Variants in CDH18 observed in about 807,000 individuals in gnomAD.
CDH18 encodes the protein cadherin 18.
In CDH18, 31 loss-of-function variants were observed where a neutral mutation model predicts 67.9. The ratio of observed to expected loss-of-function variants is 0.46; its 90% CI spans 0.34 to 0.62. The LOEUF is 0.62. Ranked by LOEUF, CDH18 falls within the 20% of genes least tolerant of loss-of-function variation. The pLI is 0.01. For synonymous variants in CDH18, 362 were observed against 347.2 expected, an observed-to-expected ratio of 1.04 and a Z score of -0.48; for missense variants, 890 against 975.5, an observed-to-expected ratio of 0.91 and a Z score of 1.17.
intron 5 of CDH18, among the ~76,000 whole-genome samples, chr5:19,681,929 T>A (rs1319539477): frequency 6.6e-6 from 1 of 152,086 alleles, no homozygotes; most frequent in Non-Finnish European, 1.5e-5. Context: ...GGCTGTTTTT[T>A]AAGTCTTTGC....
intron 2 of CDH18, among the ~76,000 whole-genome samples, chr5:20,146,419 AC>A: frequency 6.6e-6 from 1 of 152,078 alleles, no homozygotes; most frequent in East Asian, 1.9e-4. Context: ...AACTATCACA[AC>A]CTGAAATTTA....
At chr5:20,405,337 G>A (rs993527783) in intron 1 of CDH18, among the ~76,000 whole-genome samples, 3 of 152,082 alleles carry the variant, frequency 2.0e-5, no homozygotes, top group Admixed American at 6.6e-5. Context: ...GAAATGGGGA[G>A]AGGATTCCCT....
At chr5:19,937,235 G>T (rs1201957540) in intron 2 of CDH18, among the ~76,000 whole-genome samples, 1 of 151,258 alleles carries the variant, frequency 6.6e-6, no homozygotes, top group Non-Finnish European at 1.5e-5. Context: ...GCCAGTTCTG[G>T]ACACCTATCA....
intron 1 of CDH18, among the ~76,000 whole-genome samples, chr5:20,425,437 G>T (rs1748226048): frequency 6.6e-6 from 1 of 150,576 alleles, no homozygotes; most frequent in African/African-American, 2.5e-5. Flanking sequence ...AGAAAAGAAA[G>T]ATAAAATGTA....
intron 1 of CDH18, among the ~76,000 whole-genome samples, chr5:20,428,774 T>C (rs1448165743): frequency 1.3e-5 from 2 of 152,202 alleles, no homozygotes; most frequent in Non-Finnish European, 2.9e-5. Context: ...GGACCACAAA[T>C]AATCTGCGTT....
rs187663377 is a variant in CDH18, at chr5:19,940,891, A to T, written c.-257+40169T>A. On this transcript the variant is annotated intron_variant, in intron 2 of 12. Transcript: ENST00000382275. Reference sequence around the variant, plus strand: ...AGTAGAATTCAAGATACAGAATGGAACTATATTTTCCTTGTTTAGTTCTAT... The same window carrying T: ...AGTAGAATTCAAGATACAGAATGGATCTATATTTTCCTTGTTTAGTTCTAT... Among the ~76,000 whole-genome samples the T allele has an allele frequency of 1.1e-3, 163 of 152,272 alleles. 1 individual carries two copies. Among genetic ancestry groups the T allele is most frequent in the African/African-American group, 3.7e-3 (153 of 41,586 alleles).
chr5:19,544,991 C>T (rs970532808), intron 8 of CDH18, among the ~76,000 whole-genome samples: 5 of 151,738 alleles, frequency 3.3e-5, no homozygotes, highest in African/African-American at 1.2e-4. Context: ...TTTTAAGACC[C>T]CTGAGTTTTG....
intron 2 of CDH18, among the ~76,000 whole-genome samples, chr5:20,209,709 T>C (rs1441893828): frequency 6.6e-6 from 1 of 151,966 alleles, no homozygotes; most frequent in East Asian, 1.9e-4. Flanking sequence ...CACTGAAATA[T>C]ACAATAGTCT....
intron 5 of CDH18, among the ~76,000 whole-genome samples, chr5:19,671,938 G>A (rs572266075): frequency 3.4e-4 from 52 of 152,158 alleles, no homozygotes; most frequent in African/African-American, 1.2e-3. Context: ...AAGAAATACT[G>A]GCATGTAGGA....
chr5:19,596,186 G>A (rs1746135504), intron 6 of CDH18, among the ~76,000 whole-genome samples: 1 of 152,132 alleles, frequency 6.6e-6, no homozygotes, highest in South Asian at 2.1e-4. Context: ...CTAAGAAGAG[G>A]CTTTTGTCAA....
chr5:19,758,392 A>C (rs144612386), intron 3 of CDH18, among the ~76,000 whole-genome samples: 1 of 152,226 alleles, frequency 6.6e-6, no homozygotes, highest in Non-Finnish European at 1.5e-5. Context: ...AGAGGCCTCC[A>C]CTGTGATTCA....
At chr5:19,496,833 G>A (rs1428888291) in intron 11 of CDH18, among the ~76,000 whole-genome samples, 1 of 131,390 alleles carries the variant, frequency 7.6e-6, no homozygotes, top group Non-Finnish European at 1.6e-5. Flanking sequence ...AAAAAAAAAG[G>A]CTTTCAGGAG....
intron 1 of CDH18, among the ~76,000 whole-genome samples, chr5:20,373,832 T>C (rs916241222): frequency 1.3e-5 from 2 of 152,074 alleles, no homozygotes; most frequent in Admixed American, 6.6e-5. Flanking sequence ...TGACAATCTG[T>C]ACAATTTCTT....
chr5:20,433,469 G>A (rs1201641419), intron 1 of CDH18, among the ~76,000 whole-genome samples: 1 of 151,980 alleles, frequency 6.6e-6, no homozygotes, highest in African/African-American at 2.4e-5. Context: ...AAGAGACACT[G>A]TAAAGAAAGC....
At chr5:19,830,634 T>C (rs1780913203) in intron 3 of CDH18, among the ~76,000 whole-genome samples, 1 of 152,076 alleles carries the variant, frequency 6.6e-6, no homozygotes, top group Admixed American at 6.6e-5. Context: ...TGGCAATTTT[T>C]CTAAAAACTT....
At chr5:19,537,266 C>T (rs1330409995) in intron 9 of CDH18, among the ~76,000 whole-genome samples, 1 of 152,096 alleles carries the variant, frequency 6.6e-6, no homozygotes, top group Non-Finnish European at 1.5e-5. Context: ...AGCAGTCTGC[C>T]TGCCTTCAGA....
At chr5:20,569,634 C>T (rs1758698804) in intron 1 of CDH18, among the ~76,000 whole-genome samples, 1 of 152,224 alleles carries the variant, frequency 6.6e-6, no homozygotes, top group South Asian at 2.1e-4. Flanking sequence ...ACAACAACAA[C>T]AACAAACTCT....
intron 1 of CDH18, among the ~76,000 whole-genome samples, chr5:20,534,760 A>G (rs957734957): frequency 2.6e-5 from 4 of 151,992 alleles, no homozygotes; most frequent in Admixed American, 6.6e-5. Context: ...ATGAAACCTG[A>G]ACATCAAAAT....
At chr5:20,094,683 C>T (rs528554615) in intron 2 of CDH18, among the ~76,000 whole-genome samples, 1 of 152,186 alleles carries the variant, frequency 6.6e-6, no homozygotes, top group South Asian at 2.1e-4. Context: ...CTTCACATCC[C>T]TCATAAGTTA....
Sources: gnomAD v4.1 joint callset for allele counts (sites outside exome capture counted in the v4.1 genomes callset) on GRCh38, gnomAD v4.1.1 for gene constraint, MANE v1.5 for transcripts, NCBI Gene and HGNC (gene_info 2026-07-23, HGNC 2026-07-21) for gene names.